PPP4R3A: variants seen among roughly 807,000 people sequenced by gnomAD.
PPP4R3A encodes the protein serine/threonine-protein phosphatase 4 regulatory subunit 3A.
A neutral mutation model predicts 91.7 loss-of-function variants in PPP4R3A; 15 were observed. The ratio of observed to expected loss-of-function variants is 0.16; its 90% CI spans 0.11 to 0.25. PPP4R3A has a LOEUF of 0.25. PPP4R3A is among the 10% of genes least tolerant of loss of function. The probability of loss-of-function intolerance (pLI) is 1.00; values close to 1 mark genes in which losing one functional copy is unlikely to be tolerated. For missense variants in PPP4R3A, 623 were observed against 998.4 expected, an observed-to-expected ratio of 0.62 and a Z score of 5.07; for synonymous variants, 377 against 348.7, an observed-to-expected ratio of 1.08 and a Z score of -0.91.
intron 3 of PPP4R3A, among the ~76,000 whole-genome samples, chr14:91,483,363 G>A (rs1346932734): frequency 6.6e-6 from 1 of 152,212 alleles, no homozygotes; most frequent in Non-Finnish European, 1.5e-5. Flanking sequence ...TGTGCTGCAA[G>A]GTGATATGGT....
intron 14 of PPP4R3A, among the ~76,000 whole-genome samples, chr14:91,460,120 G>A (rs1029209535): frequency 6.6e-6 from 1 of 151,812 alleles, no homozygotes; most frequent in Non-Finnish European, 1.5e-5. Flanking sequence ...CACACCATTC[G>A]CCTGCCTCAG....
chr14:91,470,768 T>C (rs1888784359), intron 10 of PPP4R3A, 69 bp downstream of exon 10: 3 of 1,538,798 alleles, frequency 1.9e-6, no homozygotes, highest in African/African-American at 1.4e-5. Context: ...GTCTTTTCAT[T>C]TGGGCAATAA....
chr14:91,495,429 C>G (rs528117333), intron 1 of PPP4R3A, among the ~76,000 whole-genome samples: 106 of 152,054 alleles, frequency 7.0e-4, no homozygotes, highest in African/African-American at 2.5e-3. Context: ...ATTCTCCTGC[C>G]TCAGCCACCT....
intron 11 of PPP4R3A, 88 bp downstream of exon 11, chr14:91,465,162 A>G: frequency 9.9e-7 from 1 of 1,010,254 alleles, no homozygotes; most frequent in Non-Finnish European, 1.4e-6. Context: ...TCCAAATATT[A>G]TCATCTCAAG....
intron 12 of PPP4R3A, 74 bp from the exon 13 acceptor site, chr14:91,462,313 CTTG>C: frequency 7.4e-7 from 1 of 1,342,994 alleles, no homozygotes; most frequent in Non-Finnish European, 9.7e-7. Flanking sequence ...ACTTATTAAA[CTTG>C]TTAACATAGG....
At chr14:91,506,247 G>A (rs1026774610) in intron 1 of PPP4R3A, among the ~76,000 whole-genome samples, 3 of 152,240 alleles carry the variant, frequency 2.0e-5, no homozygotes, top group East Asian at 3.9e-4. Context: ...GTGCCCGGCC[G>A]AAAATATCTT....
chr14:91,491,313 C>G (rs1016932320), intron 1 of PPP4R3A, among the ~76,000 whole-genome samples: 1 of 151,996 alleles, frequency 6.6e-6, no homozygotes, highest in African/African-American at 2.4e-5. Flanking sequence ...TCCCACTGCC[C>G]CCTCCTCCCA....
At chr14:91,491,833 C>G (rs1305340310) in intron 1 of PPP4R3A, among the ~76,000 whole-genome samples, 1 of 152,192 alleles carries the variant, frequency 6.6e-6, no homozygotes, top group Admixed American at 6.5e-5. Context: ...GCAACCTCCA[C>G]CTTCTGGGTA....
chr14:91,466,211 A>T, intron 10 of PPP4R3A: 1 of 984,554 alleles, frequency 1.0e-6, no homozygotes, highest in Non-Finnish European at 1.2e-6. Flanking sequence ...TGGAATTATC[A>T]GTAAGTTAAT....
At chr14:91,469,063 TTA>T (rs1888673580) in intron 10 of PPP4R3A, among the ~76,000 whole-genome samples, 1 of 149,296 alleles carries the variant, frequency 6.7e-6, no homozygotes, top group Non-Finnish European at 1.5e-5. Flanking sequence ...AAGCTACCAA[TTA>T]TAGTGACATG....
At chr14:91,469,593 C>T (rs1026148197) in intron 10 of PPP4R3A, among the ~76,000 whole-genome samples, 1 of 152,154 alleles carries the variant, frequency 6.6e-6, no homozygotes, top group Non-Finnish European at 1.5e-5. Context: ...GGTGGGGAGA[C>T]AGTGTCTCTC....
intron 14 of PPP4R3A, 67 bp downstream of exon 14, chr14:91,461,314 G>A: frequency 2.1e-6 from 3 of 1,448,054 alleles, no homozygotes; most frequent in South Asian, 2.4e-5. Context: ...GGGAATCTTA[G>A]TCAAAATTAT....
intron 1 of PPP4R3A, among the ~76,000 whole-genome samples, chr14:91,495,108 C>T (rs1313581349): frequency 1.3e-5 from 2 of 151,542 alleles, no homozygotes; most frequent in African/African-American, 4.9e-5. Context: ...GAATACATGC[C>T]CAGACAAAAA....
chr14:91,466,500 G>T, intron 10 of PPP4R3A: 1 of 917,586 alleles, frequency 1.1e-6, no homozygotes, highest in Non-Finnish European at 1.3e-6. Context: ...GCCCAATTAG[G>T]TACAGTTGAT....
At position 91,509,712 on chromosome 14, in the gene PPP4R3A, G is replaced by C. The variant is rs553507424; in HGVS notation, c.-65C>G. 1.2e-4 allele frequency: 174 copies of C among 1,502,154 alleles called. No individual in the cohort carries two copies. The African/African-American group carries it at 2.0e-3, about 18-fold the overall frequency. The allele number at this position is 1,502,154 out of a possible 1,614,324, so 93.1% of individuals were successfully genotyped here. On this transcript the variant is annotated 5_prime_UTR_variant, in exon 1 of 15. Coordinates refer to ENST00000554943, the MANE Select transcript of PPP4R3A (RefSeq NM_001366432.2). Reference sequence around the variant, plus strand: ...ACGCCCAGGAAAGGGGCCCTGGAGAGGCGAGGGGCGAGGCGTGAGGGCGCC... The same window carrying C: ...ACGCCCAGGAAAGGGGCCCTGGAGACGCGAGGGGCGAGGCGTGAGGGCGCC...
At chr14:91,470,773 C>A in intron 10 of PPP4R3A, 64 bp downstream of exon 10, 3 of 1,551,192 alleles carry the variant, frequency 1.9e-6, no homozygotes, top group Non-Finnish European at 2.6e-6. Context: ...TTCATTTGGG[C>A]AATAAGATGT....
intron 3 of PPP4R3A, 28 bp downstream of exon 3, chr14:91,485,604 A>G (rs745614297): frequency 3.3e-6 from 5 of 1,493,284 alleles, no homozygotes; most frequent in Admixed American, 3.4e-5. Context: ...TAAAGAAAGC[A>G]TGTTGATTTT....
At chr14:91,497,051 A>G (rs1290863739) in intron 1 of PPP4R3A, among the ~76,000 whole-genome samples, 1 of 152,136 alleles carries the variant, frequency 6.6e-6, no homozygotes, top group African/African-American at 2.4e-5. Flanking sequence ...ATGGGTATGG[A>G]TGGGGATATA....
chr14:91,471,094 T>A, intron 9 of PPP4R3A, 99 bp from the exon 10 acceptor site: 1 of 1,127,748 alleles, frequency 8.9e-7, no homozygotes, highest in Non-Finnish European at 1.2e-6. Flanking sequence ...TCTCTTCTAT[T>A]AACCTAAATA....
Sources: allele counts gnomAD v4.1 joint callset (sites outside exome capture counted in the v4.1 genomes callset), GRCh38; gene constraint gnomAD v4.1.1; transcripts MANE v1.5; gene names NCBI Gene and HGNC (gene_info 2026-07-23, HGNC 2026-07-21).